Variants in NAALADL2 observed in about 807,000 individuals in gnomAD.
The protein encoded by NAALADL2 is N-acetylated alpha-linked acidic dipeptidase like 2.
In NAALADL2, 76 loss-of-function variants were observed where a neutral mutation model predicts 87.2. That is an observed-to-expected ratio of 0.87 (90% CI 0.72 to 1.05). The LOEUF is 1.05. NAALADL2 is among the 50% of genes least tolerant of loss of function. The pLI, the probability that NAALADL2 is intolerant of heterozygous loss-of-function variation, is 0.00. For synonymous variants in NAALADL2, 354 were observed against 331.0 expected (o/e 1.07, Z -0.75); for missense variants, 1,089 against 945.8 (o/e 1.15, Z -1.99).
intron 13 of NAALADL2, among the ~76,000 whole-genome samples, chr3:175,759,351 AC>A (rs1747688647): frequency 1.3e-5 from 2 of 148,626 alleles, no homozygotes; most frequent in African/African-American, 2.5e-5. Flanking sequence ...ATCAAGAAAG[AC>A]TTTTTTTTTT....
At chr3:175,667,751 T>C (rs1582832615) in intron 11 of NAALADL2, among the ~76,000 whole-genome samples, 1 of 151,282 alleles carries the variant, frequency 6.6e-6, no homozygotes, top group African/African-American at 2.4e-5. Flanking sequence ...CTGTTTTTTT[T>C]TTTTTTTTTT....
chr3:174,472,325 G>A (rs979692014), intron 1 of NAALADL2, among the ~76,000 whole-genome samples: 2 of 152,062 alleles, frequency 1.3e-5, no homozygotes, highest in African/African-American at 4.8e-5. Flanking sequence ...CTGTCATTTG[G>A]TTCTATTCAT....
chr3:175,193,736 T>C (rs1474557176), intron 2 of NAALADL2, among the ~76,000 whole-genome samples: 1 of 151,966 alleles, frequency 6.6e-6, no homozygotes, highest in Non-Finnish European at 1.5e-5. Context: ...TTTTGGTTCT[T>C]TTGCTATTTT....
chr3:174,749,464 C>T (rs1332248458), intron 3 of NAALADL2, among the ~76,000 whole-genome samples: 4 of 151,012 alleles, frequency 2.6e-5, no homozygotes, highest in Non-Finnish European at 5.9e-5. Context: ...TTTTCCATTT[C>T]TGTGAATGGC....
intron 1 of NAALADL2, among the ~76,000 whole-genome samples, chr3:174,524,676 C>T (rs1720566901): frequency 6.6e-6 from 1 of 150,836 alleles, no homozygotes; most frequent in Non-Finnish European, 1.5e-5. Context: ...TCCTACTGGG[C>T]AGCTGGGACC....
chr3:175,619,902 C>A (rs1403140792), intron 10 of NAALADL2, among the ~76,000 whole-genome samples: 8 of 152,004 alleles, frequency 5.3e-5, no homozygotes, highest in African/African-American at 1.9e-4. Flanking sequence ...ATGGCTAGAC[C>A]TCTATGAAGC....
At chr3:174,702,066 G>A (rs6774160) in intron 2 of NAALADL2, among the ~76,000 whole-genome samples, 67,273 of 151,870 alleles carry the variant, frequency 0.44, 15,145 homozygotes, top group South Asian at 0.52. Flanking sequence ...CACTTCCTCT[G>A]TAACCCCAAC....
rs1048556812 is a variant in NAALADL2, at chr3:175,239,642, A to G, written c.819+5438A>G. ...AAGATAAGCCAAGTAATGCAGTTTT[A>G]TGGAGAAACTTATTTTCAAAAACTC... On this transcript the variant is annotated intron_variant, in intron 3 of 13. Transcript: ENST00000454872. Among the ~76,000 whole-genome samples, 63 of 152,162 alleles carry G rather than the reference A, an allele frequency of 4.1e-4. 1 individual carries two copies. Among genetic ancestry groups the G allele is most frequent in the African/African-American group, 1.4e-3 (58 of 41,444 alleles).
At chr3:175,423,745 C>T (rs548858916) in intron 5 of NAALADL2, among the ~76,000 whole-genome samples, 93 of 152,174 alleles carry the variant, frequency 6.1e-4, no homozygotes, top group African/African-American at 2.0e-3. Context: ...TGTGTCTTTA[C>T]AGCAGCATGA....
intron 3 of NAALADL2, among the ~76,000 whole-genome samples, chr3:174,838,803 C>T (rs1288788707): frequency 6.6e-6 from 1 of 151,978 alleles, no homozygotes; most frequent in Non-Finnish European, 1.5e-5. Flanking sequence ...AGGTGAAAAA[C>T]CTCTACAAAG....
At chr3:174,864,952 G>A (rs960821908) in intron 1 of NAALADL2, among the ~76,000 whole-genome samples, 3 of 152,018 alleles carry the variant, frequency 2.0e-5, no homozygotes, top group Non-Finnish European at 4.4e-5. Context: ...ACACAAAAGG[G>A]CATTGAGCTT....
At chr3:175,155,052 A>G (rs1732099678) in intron 2 of NAALADL2, among the ~76,000 whole-genome samples, 1 of 152,172 alleles carries the variant, frequency 6.6e-6, no homozygotes, top group Non-Finnish European at 1.5e-5. Context: ...CAAATTGACT[A>G]CATTCGTATG....
At chr3:175,471,126 C>T (rs1442514597) in intron 8 of NAALADL2, among the ~76,000 whole-genome samples, 1 of 152,088 alleles carries the variant, frequency 6.6e-6, no homozygotes, top group East Asian at 1.9e-4. Flanking sequence ...ACTCTTACCA[C>T]TCTTGTTTAA....
At chr3:175,565,832 T>TCCCCC (rs1318402651) in intron 9 of NAALADL2, among the ~76,000 whole-genome samples, 1 of 101,226 alleles carries the variant, frequency 9.9e-6, no homozygotes, top group Non-Finnish European at 2.1e-5. Flanking sequence ...CCCCCCCCTT[T>TCCCCC]TTTTTTTTTT....
At chr3:174,602,126 T>C (rs1718514069) in intron 2 of NAALADL2, among the ~76,000 whole-genome samples, 1 of 152,092 alleles carries the variant, frequency 6.6e-6, no homozygotes, top group African/African-American at 2.4e-5. Context: ...CATATAAATT[T>C]AAGGATTGTT....
intron 1 of NAALADL2, among the ~76,000 whole-genome samples, chr3:174,492,329 T>G (rs1421096345): frequency 6.6e-6 from 1 of 151,884 alleles, no homozygotes; most frequent in Non-Finnish European, 1.5e-5. Context: ...CTGGACACCA[T>G]TTACTGGGTG....
intron 10 of NAALADL2, among the ~76,000 whole-genome samples, chr3:175,621,370 T>A (rs1251218704): frequency 6.6e-6 from 1 of 152,246 alleles, no homozygotes; most frequent in Non-Finnish European, 1.5e-5. Flanking sequence ...GTTACCTATG[T>A]TAGGCATTGT....
At chr3:175,425,753 C>A (rs1050879783) in intron 5 of NAALADL2, among the ~76,000 whole-genome samples, 5 of 151,958 alleles carry the variant, frequency 3.3e-5, no homozygotes, top group African/African-American at 1.2e-4. Flanking sequence ...ATAATTTTAT[C>A]CTACATTGAA....
At chr3:175,047,443 A>G (rs1754824132) in intron 1 of NAALADL2, among the ~76,000 whole-genome samples, 2 of 152,174 alleles carry the variant, frequency 1.3e-5, no homozygotes, top group Middle Eastern at 3.2e-3. Context: ...TTCTTCAAAC[A>G]TTTATTTATG....
Sources: gnomAD v4.1 joint callset for allele counts (sites outside exome capture counted in the v4.1 genomes callset) on GRCh38, gnomAD v4.1.1 for gene constraint, MANE v1.5 for transcripts, NCBI Gene and HGNC (gene_info 2026-07-23, HGNC 2026-07-21) for gene names.